The following ROS1 variants were observed in gnomAD, a reference collection of about 807,000 sequenced individuals.
ROS1 encodes ROS proto-oncogene 1, receptor tyrosine kinase, also known as proto-oncogene tyrosine-protein kinase ROS.
ROS1 carries 263 observed loss-of-function variants against 273.5 expected under a neutral mutation model. The ratio of observed to expected loss-of-function variants is 0.96; its 90% CI spans 0.87 to 1.06. The LOEUF (loss-of-function observed/expected upper bound fraction) is 1.06, where lower values mean the gene tolerates loss of function less well. Ranked by LOEUF, ROS1 falls within the 50% of genes least tolerant of loss-of-function variation. The pLI, the probability that ROS1 is intolerant of heterozygous loss-of-function variation, is 0.00. For synonymous variants in ROS1, 1,008 were observed against 954.1 expected, an observed-to-expected ratio of 1.06 and a Z score of -1.04; for missense variants, 2,833 against 2,751.1, an observed-to-expected ratio of 1.03 and a Z score of -0.67.
At chr6:117,323,511 G>T (rs1163012767) in intron 35 of ROS1, among the ~76,000 whole-genome samples, 1 of 151,976 alleles carries the variant, frequency 6.6e-6, no homozygotes, top group East Asian at 1.9e-4. Context: ...GTGTGTTGGG[G>T]ACTCTCAATA....
At chr6:117,345,147 A>G (rs1778269589) in intron 27 of ROS1, among the ~76,000 whole-genome samples, 1 of 152,226 alleles carries the variant, frequency 6.6e-6, no homozygotes, top group South Asian at 2.1e-4. Flanking sequence ...CCGCATATCC[A>G]GTCTCTGCTA....
rs3752566 is a variant in ROS1 at position 117,317,162 on chromosome 6, C to T, written c.6098G>A (p.Arg2033His). 1.4e-4 allele frequency: 225 copies of T among 1,612,834 alleles called. No individual in the cohort carries two copies. In the East Asian group the frequency reaches 2.4e-3, roughly 17 times the overall value. The change falls in exon 39 of 44, where the codon CGT becomes CAT. Residue 2033 changes from arginine (R) to histidine (H), a missense_variant. By Grantham distance (29) the Arg-to-His change is conservative. Transcript: ENST00000368507. ...MEGGDLLTYLRKARMATFYGP... is the reference protein window; with the variant it reads ...MEGGDLLTYLHKARMATFYGP... The stretch of plus-strand genomic sequence containing the variant: ...GCCTACCGTTGCCATCCGGGCTTTA[C>T]GCAAATAAGTAAGAAGGTCTCCTCC...
chr6:117,308,097 C>T (rs561120674), intron 42 of ROS1, among the ~76,000 whole-genome samples: 1 of 152,216 alleles, frequency 6.6e-6, no homozygotes, highest in East Asian at 1.9e-4. Context: ...TAAGACAATT[C>T]TTGGAAAAAG....
chr6:117,354,377 G>T (rs1779125668), intron 26 of ROS1, among the ~76,000 whole-genome samples: 1 of 151,560 alleles, frequency 6.6e-6, no homozygotes, highest in South Asian at 2.1e-4. Flanking sequence ...TGCTTACAAT[G>T]AGCTACAACA....
chr6:117,292,007 TCG>T (rs1438537865), intron 43 of ROS1, among the ~76,000 whole-genome samples: 47 of 152,016 alleles, frequency 3.1e-4, no homozygotes, highest in African/African-American at 1.1e-3. Flanking sequence ...TCTCACTCTG[TCG>T]CCCAGGCTGG....
rs769543543 is a variant in ROS1 at position 117,329,315 on chromosome 6, G to T, written c.5348+14C>A. The T allele has an allele frequency of 2.6e-6, 3 of 1,161,716 alleles. No homozygotes were observed. The highest frequency in any genetic ancestry group is 3.8e-6 in the Non-Finnish European group (3 of 787,220). 72.0% of individuals were successfully genotyped at this position (1,161,716 alleles called of 1,614,324 possible). A position where few individuals can be genotyped will look rare whatever the true frequency, so the allele number is the denominator to read the frequency against. On this transcript the variant is annotated intron_variant, in intron 33 of 43. Coordinates refer to ENST00000368507, the MANE Select transcript of ROS1 (RefSeq NM_001378902.1). ...GTTCTTTGTCATTTACAAGTACTTT[G>T]CAAACACACATACCTTATCTCAAGG...
intron 43 of ROS1, among the ~76,000 whole-genome samples, chr6:117,291,432 A>T (rs973013584): frequency 6.6e-6 from 1 of 152,224 alleles, no homozygotes; most frequent in African/African-American, 2.4e-5. Flanking sequence ...CTAGCAGGTC[A>T]TAAGTAATCA....
Position 117,366,073 on chromosome 6 carries a change from T to A in ROS1, c.2797+3A>T, listed in dbSNP as rs753625754. On this transcript the variant is annotated splice_donor_region_variant and intron_variant, in intron 19 of 43. Coordinates refer to ENST00000368507, the MANE Select transcript of ROS1 (RefSeq NM_001378902.1). ...TAGGGTAAGCAGGAATGAAATACTG[T>A]ACCTGGCAGGGGCTTAAGGGATGTC... 6.2e-7 allele frequency: 1 copy of A among 1,608,488 alleles called. No homozygotes were observed. The highest frequency in any genetic ancestry group is 8.5e-7 in the Non-Finnish European group (1 of 1,174,940).
In ROS1 at chr6:117,288,519, G is replaced by C. The variant is rs2128520512; in HGVS notation, c.6999C>G (p.His2333Gln). 3 of 1,613,742 alleles carry C rather than the reference G, an allele frequency of 1.9e-6. No homozygotes were observed. The highest frequency in any genetic ancestry group is 2.5e-6 in the Non-Finnish European group (3 of 1,179,902). Residue 2333 changes from histidine (H) to glutamine (Q), a missense_variant, in exon 44 of 44, where the codon CAC becomes CAG. By Grantham distance (24) the His-to-Gln change is conservative (BLOSUM62 0). Transcript: ENST00000368507. ...AATCAGACCCATCTCCATATCCACT[G>C]TGAGTGAGACAGGCATAGTTCAGGC... ...PEGLNYACLT[H>Q]SGYGDGSD
chr6:117,374,479 G>C (rs918443859), intron 18 of ROS1, among the ~76,000 whole-genome samples: 1 of 152,156 alleles, frequency 6.6e-6, no homozygotes, highest in African/African-American at 2.4e-5. Context: ...ATCAACTCAA[G>C]ATGGATCAAA....
chr6:117,303,621 T>C (rs1261280190), intron 42 of ROS1, among the ~76,000 whole-genome samples: 1 of 152,190 alleles, frequency 6.6e-6, no homozygotes, highest in East Asian at 1.9e-4. Flanking sequence ...CATGCAGGTC[T>C]CACAGGGCAG....
intron 39 of ROS1, among the ~76,000 whole-genome samples, chr6:117,315,047 C>T (rs908042024): frequency 2.0e-5 from 3 of 151,930 alleles, no homozygotes; most frequent in Admixed American, 6.6e-5. Context: ...TAATTAATAC[C>T]CTAAAAGAAG....
Position 117,310,138 on chromosome 6 carries a change from C to G in ROS1, c.6359G>C (p.Arg2120Pro), listed in dbSNP as rs199882276. The G allele has an allele frequency of 6.2e-7, 1 of 1,613,446 alleles. No homozygotes were observed. Among genetic ancestry groups the G allele is most frequent in the Non-Finnish European group, 8.5e-7 (1 of 1,179,626 alleles). Residue 2120 changes from arginine to proline, a missense_variant, in exon 41 of 44, where the codon CGG (arginine) becomes CCG (proline). Transcript: ENST00000368507. ...CATCAAACTTTCTGGAGCCATCCAC[C>G]GAACTGGGAGCAGGCCTTCCCCTCT... is the stretch of plus-strand genomic sequence containing the variant. ...RKRGEGLLPV[R>P]WMAPESLMDG...
chr6:117,377,957 G>GCTGGTTAAAATCACAATATTTA (rs1169059679), intron 18 of ROS1, among the ~76,000 whole-genome samples: 8 of 152,144 alleles, frequency 5.3e-5, no homozygotes, highest in African/African-American at 1.9e-4. Flanking sequence ...TCAGGGAAGT[G>GCTGGTTAAAATCACAATATTTA]CTGGTTAAAA....
intron 43 of ROS1, among the ~76,000 whole-genome samples, chr6:117,294,824 T>C (rs752425930): frequency 2.0e-5 from 3 of 152,098 alleles, no homozygotes; most frequent in Non-Finnish European, 4.4e-5. Context: ...CACAAACAAA[T>C]GGAAAAATAT....
At chr6:117,385,659 C>G in intron 16 of ROS1, 24 bp downstream of exon 16, 1 of 1,610,604 alleles carries the variant, frequency 6.2e-7, no homozygotes, top group Admixed American at 1.7e-5. Flanking sequence ...TCTAGAGCAT[C>G]CAGAATGCCA....
chr6:117,300,621 C>T (rs210969), intron 43 of ROS1, among the ~76,000 whole-genome samples: 2,982 of 152,056 alleles, frequency 0.02, 68 homozygotes, highest in African/African-American at 0.049. Flanking sequence ...GATAATGTAC[C>T]GTAAGCAAAG....
intron 5 of ROS1, among the ~76,000 whole-genome samples, chr6:117,406,765 G>C (rs1032528063): frequency 1.3e-5 from 2 of 151,968 alleles, no homozygotes; most frequent in African/African-American, 2.4e-5. Flanking sequence ...CTAATAATTT[G>C]GTAGATATTT....
chr6:117,403,189 A>G lies in ROS1; in HGVS notation c.554T>C (p.Leu185Pro). 6.2e-7 allele frequency: 1 copy of G among 1,613,584 alleles called. No homozygotes were observed. Among genetic ancestry groups the G allele is most frequent in the Admixed American group, 1.7e-5 (1 of 59,852 alleles). The change falls in exon 7 of 44, where the codon CTG becomes CCG. Residue 185 changes from leucine to proline, a missense_variant. Coordinates refer to ENST00000368507, the MANE Select transcript of ROS1 (RefSeq NM_001378902.1). Reference sequence around the variant, plus strand: ...GGGACTTGGAGGGGAGTAGAGCTGCAGCTGCGCTGTGAAGATCCAAACCAC... The same window carrying G: ...GGGACTTGGAGGGGAGTAGAGCTGCGGCTGCGCTGTGAAGATCCAAACCAC... ...FRVVWIFTAQ[L>P]QLYSPPSPSY... is the part of the protein sequence containing the mutation.
Sources: allele counts gnomAD v4.1 joint callset (sites outside exome capture counted in the v4.1 genomes callset), GRCh38; gene constraint gnomAD v4.1.1; transcripts MANE v1.5; gene names NCBI Gene and HGNC (gene_info 2026-07-23, HGNC 2026-07-21).